Variants in DUSP2 observed in about 807,000 individuals in gnomAD.
The protein encoded by DUSP2 is dual specificity phosphatase 2.
A neutral mutation model predicts 23.3 loss-of-function variants in DUSP2; 20 were observed. The observed-to-expected ratio is 0.86, with a 90% CI of 0.60 to 1.25. DUSP2 has a LOEUF of 1.25. Among genes scored for constraint, DUSP2 ranks in the 50% most tolerant of loss-of-function variants. The pLI is 0.00. For missense variants in DUSP2, 435 were observed against 452.6 expected (o/e 0.96, Z 0.35); for synonymous variants, 231 against 209.7 (o/e 1.10, Z -0.88).
chr2:96,143,705 C>A lies in DUSP2; in HGVS notation c.*118G>T. ...CCCCCATGTGGGGGCTTCTGAAACTCTGAGGAGGTAGCAGCCCTGCCAGAG... is the reference window on the plus strand; with the variant it reads ...CCCCCATGTGGGGGCTTCTGAAACTATGAGGAGGTAGCAGCCCTGCCAGAG... On this transcript the variant is annotated 3_prime_UTR_variant, in exon 4 of 4. Coordinates refer to ENST00000288943, the MANE Select transcript of DUSP2 (RefSeq NM_004418.4). The A allele has an allele frequency of 8.0e-7, 1 of 1,247,380 alleles. No individual in the cohort carries two copies. 77.3% of individuals were successfully genotyped at this position (1,247,380 alleles called of 1,614,324 possible). A position where few individuals can be genotyped will look rare whatever the true frequency, so the allele number is the denominator to read the frequency against.
rs756683491 is a variant in DUSP2, at chr2:96,143,924, C to T, written c.844G>A (p.Glu282Lys). ...CGCTGCTTAACGAAGTCAAAGGCCT[C>T]GTCCAGCCGCACACGGCGACTCTGC... ...LMQSRRVRLD[E>K]AFDFVKQRRG... Residue 282 changes from glutamate to lysine, a missense_variant, in exon 4 of 4, where the codon GAG (glutamate) becomes AAG (lysine). Glu to Lys is a moderately conservative substitution (Grantham distance 56). Coordinates refer to ENST00000288943, the MANE Select transcript of DUSP2 (RefSeq NM_004418.4). The T allele has an allele frequency of 4.3e-6, 7 of 1,613,692 alleles. No individual in the cohort carries two copies. The highest frequency in any genetic ancestry group is 4.0e-5 in the African/African-American group (3 of 74,948).
At position 96,144,169 on chromosome 2, in the gene DUSP2, C is replaced by A; in HGVS notation, c.715G>T (p.Ala239Ser). Residue 239 changes from alanine to serine, a missense_variant, in exon 3 of 4, where the codon GCC (alanine) becomes TCC (serine). Physicochemically the swap from Ala to Ser is moderately conservative, Grantham distance 99 (BLOSUM62 1). Transcript: ENST00000288943. ...MVEISAWFQE[A>S]IGFIDWVKNS... ...GCCCCCTTACCAATGAAGCCTATGG[C>A]CTCCTGGAACCAGGCACTGATCTCC... 1 of 1,614,108 alleles carries A rather than the reference C, an allele frequency of 6.2e-7. No individual in the cohort carries two copies. The highest frequency in any genetic ancestry group is 8.5e-7 in the Non-Finnish European group (1 of 1,180,034).
chr2:96,145,151 G>A lies in DUSP2; in HGVS notation c.204C>T (p.Ala68=), dbSNP rs1314372873. ...GCAGCGCGCGGTCGGGCAGCAGGCA[G>A]GCGAGAACGGCGGCAGGAGGGCCGC... The part of the protein sequence containing the change: ...RARGPPAAVL[A]CLLPDRALRT... The change falls in exon 1 of 4, where the codon GCC becomes GCT. Residue 68 remains alanine, a synonymous_variant. Coordinates refer to ENST00000288943, the MANE Select transcript of DUSP2 (RefSeq NM_004418.4). The A allele has an allele frequency of 3.0e-6, 4 of 1,320,724 alleles. No individual in the cohort carries two copies. Among genetic ancestry groups the A allele is most frequent in the Non-Finnish European group, 3.8e-6 (4 of 1,041,616 alleles). The allele number at this position is 1,320,724 out of a possible 1,614,324, so 81.8% of individuals were successfully genotyped here. A position where few individuals can be genotyped will look rare whatever the true frequency, so the allele number is the denominator to read the frequency against.
rs1395767778 is a variant in DUSP2 at position 96,144,782 on chromosome 2, G to A, written c.489C>T (p.Ser163=). The change falls in exon 2 of 4, where the codon TCC becomes TCT. Residue 163 remains serine (S), a synonymous_variant. Coordinates refer to ENST00000288943, the MANE Select transcript of DUSP2 (RefSeq NM_004418.4). ...TCACCTGGTCGTAGACAGGAGCCCT[G>A]GAGTCGGAGCGGCTGGTTTTGTCCC... The part of the protein sequence containing the change: ...PTGDKTSRSD[S]RAPVYDQGGP... The A allele has an allele frequency of 6.3e-7, 1 of 1,591,698 alleles. No homozygotes were observed. Among genetic ancestry groups the A allele is most frequent in the Non-Finnish European group, 8.5e-7 (1 of 1,170,298 alleles).
chr2:96,144,710 A>C (rs762354515), intron 2 of DUSP2, 51 bp downstream of exon 2: 1 of 1,465,276 alleles, frequency 6.8e-7, no homozygotes, highest in Non-Finnish European at 9.2e-7. Context: ...AGAGGCGCCC[A>C]GTCCGCGGCG....
At position 96,144,766 on chromosome 2, in the gene DUSP2, C is replaced by A. The variant is rs551527506; in HGVS notation, c.505G>T (p.Asp169Tyr). ...SRSDSRAPVY[D>Y]QGGPVEILPY... ...GGAGGGGGGTCAATACTCACCTGGT[C>A]GTAGACAGGAGCCCTGGAGTCGGAG... The change falls in exon 2 of 4, where the codon GAC becomes TAC. Residue 169 changes from aspartate (D) to tyrosine (Y), a missense_variant. Physicochemically the swap from Asp to Tyr is radical, Grantham distance 160. Transcript: ENST00000288943. 2 of 1,588,606 alleles carry A rather than the reference C, an allele frequency of 1.3e-6. No homozygotes were observed. The highest frequency in any genetic ancestry group is 1.3e-5 in the African/African-American group (1 of 74,730).
In DUSP2 at chr2:96,144,148, C is replaced by T. The variant is rs1349015112; in HGVS notation, c.730+6G>A. 1 of 1,614,010 alleles carries T rather than the reference C, an allele frequency of 6.2e-7. No homozygotes were observed. The highest frequency in any genetic ancestry group is 1.1e-5 in the South Asian group (1 of 91,086). On this transcript the variant is annotated splice_donor_region_variant and intron_variant, in intron 3 of 3. Transcript: ENST00000288943. ...TCGGGATTTCTGGGCAGAGGTGCCC[C>T]CTTACCAATGAAGCCTATGGCCTCC...
intron 1 of DUSP2, 37 bp downstream of exon 1, chr2:96,144,930 T>A (rs777122405): frequency 3.2e-6 from 5 of 1,547,476 alleles, no homozygotes; most frequent in Non-Finnish European, 4.4e-6. Flanking sequence ...CGGGCTGGAG[T>A]CGGGTGGGGC....
Position 96,144,745 on chromosome 2 carries a change from G to A in DUSP2, c.510+16C>T, listed in dbSNP as rs758347817. The stretch of plus-strand genomic sequence containing the variant: ...GGGGAGAGAGGGAGGTTCGGGGGAG[G>A]GGGGTCAATACTCACCTGGTCGTAG... On this transcript the variant is annotated intron_variant, in intron 2 of 3. Transcript: ENST00000288943. 11 of 1,546,640 alleles carry A rather than the reference G, an allele frequency of 7.1e-6. No individual in the cohort carries two copies. In the South Asian group the frequency reaches 9.7e-5, roughly 14 times the overall value.
Position 96,143,853 on chromosome 2 carries a change from C to T in DUSP2, c.915G>A (p.Leu305=), listed in dbSNP as rs545914740. The T allele has an allele frequency of 2.5e-6, 4 of 1,613,534 alleles. No individual in the cohort carries two copies. The African/African-American group carries it at 5.3e-5, about 21-fold the overall frequency. ...GACACAGCACCTGGGTCTCAAACTG[C>T]AGCAGCTGCCCCATGAAACTGAAGT... is the stretch of plus-strand genomic sequence containing the variant. The part of the protein sequence containing the change: ...SPNFSFMGQL[L]QFETQVLCH Residue 305 remains leucine (L), a synonymous_variant, in exon 4 of 4, where the codon CTG becomes CTA. Coordinates refer to ENST00000288943, the MANE Select transcript of DUSP2 (RefSeq NM_004418.4).
Position 96,143,340 on chromosome 2 carries a change from T to A in DUSP2, c.*483A>T, listed in dbSNP as rs1470979286. On this transcript the variant is annotated 3_prime_UTR_variant, in exon 4 of 4. Coordinates refer to ENST00000288943, the MANE Select transcript of DUSP2 (RefSeq NM_004418.4). ...CAGCGCCAGCACAGGTGTGAAAGGC[T>A]CACAGACAGACACACGCAACATGAC... The A allele has an allele frequency of 1.2e-5, 2 of 164,368 alleles. No homozygotes were observed. The highest frequency in any genetic ancestry group is 3.2e-4 in the South Asian group (2 of 6,202). 10.2% of individuals were successfully genotyped at this position (164,368 alleles called of 1,614,324 possible). A position where few individuals can be genotyped will look rare whatever the true frequency, so the allele number is the denominator to read the frequency against.
intron 2 of DUSP2, 77 bp from the exon 3 acceptor site, chr2:96,144,450 A>G: frequency 6.8e-7 from 1 of 1,466,736 alleles, no homozygotes; most frequent in East Asian, 2.4e-5. Context: ...TGGAGACCCC[A>G]TGGGCTGGCC....
intron 2 of DUSP2, 160 bp downstream of exon 2, chr2:96,144,601 G>A (rs895421584): frequency 3.9e-6 from 3 of 769,090 alleles, no homozygotes; most frequent in Non-Finnish European, 6.1e-6. Context: ...AGGCACGCGC[G>A]AGCAGCCATG....
chr2:96,144,958 C>T lies in DUSP2; in HGVS notation c.388+9G>A, dbSNP rs763478415. ...GGTGGGGCGGGCCAAGGGCGGCCGG[C>T]TTGCTCACCTCGCAGGAAGTACACG... is the stretch of plus-strand genomic sequence containing the variant. On this transcript the variant is annotated intron_variant, in intron 1 of 3. Transcript: ENST00000288943. 22 of 1,546,374 alleles carry T rather than the reference C, an allele frequency of 1.4e-5. 1 individual carries two copies. Among genetic ancestry groups the T allele is most frequent in the Admixed American group, 5.9e-5 (3 of 50,904 alleles).
chr2:96,145,151 G>C lies in DUSP2; in HGVS notation c.204C>G (p.Ala68=). ...RARGPPAAVL[A]CLLPDRALRT... ...GCAGCGCGCGGTCGGGCAGCAGGCA[G>C]GCGAGAACGGCGGCAGGAGGGCCGC... Residue 68 remains alanine, a synonymous_variant, in exon 1 of 4, where the codon GCC becomes GCG. Coordinates refer to ENST00000288943, the MANE Select transcript of DUSP2 (RefSeq NM_004418.4). 7.6e-7 allele frequency: 1 copy of C among 1,320,724 alleles called. No homozygotes were observed. The highest frequency in any genetic ancestry group is 9.6e-7 in the Non-Finnish European group (1 of 1,041,616). The allele number at this position is 1,320,724 out of a possible 1,614,324, so 81.8% of individuals were successfully genotyped here. A position where few individuals can be genotyped will look rare whatever the true frequency, so the allele number is the denominator to read the frequency against.
chr2:96,144,722 G>A, intron 2 of DUSP2, 39 bp downstream of exon 2: 1 of 1,500,238 alleles, frequency 6.7e-7, no homozygotes. Flanking sequence ...TCCGCGGCGG[G>A]GAGAGAGGGA....
rs1053989264 is a variant in DUSP2, at chr2:96,143,203, A to G, written c.*620T>C. 8 of 152,778 alleles carry G rather than the reference A, an allele frequency of 5.2e-5. No individual in the cohort carries two copies. Among genetic ancestry groups the G allele is most frequent in the African/African-American group, 1.9e-4 (8 of 41,454 alleles). 9.5% of individuals were successfully genotyped at this position (152,778 alleles called of 1,614,324 possible). A position where few individuals can be genotyped will look rare whatever the true frequency, so the allele number is the denominator to read the frequency against. On this transcript the variant is annotated 3_prime_UTR_variant, in exon 4 of 4. Transcript: ENST00000288943. ...AAATATAACAATATTTTATTGACAT[A>G]TCCTGAATGTTCTGTATAAATATAA... is the stretch of plus-strand genomic sequence containing the variant.
rs1391808269 is a variant in DUSP2 at position 96,143,884 on chromosome 2, G to A, written c.884C>T (p.Ser295Phe). ...CTGCCCCATGAAACTGAAGTTGGGG[G>A]AGATGACCCCCCGGCGCTGCTTAAC... ...DFVKQRRGVI[S>F]PNFSFMGQLL... Residue 295 changes from serine (S) to phenylalanine (F), a missense_variant, in exon 4 of 4, where the codon TCC becomes TTC. By Grantham distance (155) the Ser-to-Phe change is radical. Coordinates refer to ENST00000288943, the MANE Select transcript of DUSP2 (RefSeq NM_004418.4). 3 of 1,613,704 alleles carry A rather than the reference G, an allele frequency of 1.9e-6. No individual in the cohort carries two copies. Among genetic ancestry groups the A allele is most frequent in the Non-Finnish European group, 2.5e-6 (3 of 1,180,028 alleles).
Position 96,144,799 on chromosome 2 carries a change from T to C in DUSP2, c.472A>G (p.Thr158Ala), listed in dbSNP as rs201093774. The C allele has an allele frequency of 6.3e-7, 1 of 1,576,036 alleles. No homozygotes were observed. Among genetic ancestry groups the C allele is most frequent in the African/African-American group, 1.4e-5 (1 of 73,998 alleles). ...GGAGCCCTGGAGTCGGAGCGGCTGG[T>C]TTTGTCCCCTGTTGGCGGCAGCGCA... ...APALPPTGDK[T>A]SRSDSRAPVY... The change falls in exon 2 of 4, where the codon ACC (threonine) becomes GCC (alanine). Residue 158 changes from threonine (T) to alanine (A), a missense_variant. Transcript: ENST00000288943.
Sources: gnomAD v4.1 joint callset for allele counts on GRCh38, gnomAD v4.1.1 for gene constraint, MANE v1.5 for transcripts, NCBI Gene and HGNC (gene_info 2026-07-23, HGNC 2026-07-21) for gene names.